The following NF1 variants were observed in gnomAD, a reference collection of about 807,000 sequenced individuals.
The protein encoded by NF1 is neurofibromin.
A neutral mutation model predicts 325.7 loss-of-function variants in NF1; 122 were observed. The ratio of observed to expected loss-of-function variants is 0.37; its 90% CI spans 0.32 to 0.44. The LOEUF is 0.44. Ranked by LOEUF, NF1 falls within the 20% of genes least tolerant of loss-of-function variation. NF1 has a pLI of 1.00. For synonymous variants in NF1, 1,091 were observed against 1,186.0 expected (o/e 0.92, Z 1.65); for missense variants, 2,140 against 3,415.4 (o/e 0.63, Z 9.31).
chr17:31,340,174 T>G, intron 46 of NF1: 2 of 315,792 alleles, frequency 6.3e-6, no homozygotes, highest in South Asian at 3.3e-5. Context: ...AAGGTTGGCA[T>G]GTGGTAATGT....
chr17:31,305,201 G>A (rs189487006), intron 36 of NF1: 1 of 1,614,202 alleles, frequency 6.2e-7, no homozygotes, highest in African/African-American at 1.3e-5. Flanking sequence ...TTTGGTGGTT[G>A]TGTGGTAGAA....
chr17:31,146,042 C>T (rs1407030974), intron 1 of NF1, among the ~76,000 whole-genome samples: 2 of 152,180 alleles, frequency 1.3e-5, no homozygotes, highest in African/African-American at 2.4e-5. Context: ...GTGTAACAAA[C>T]TACCACAAAC....
chr17:31,234,592 T>G lies in NF1; in HGVS notation c.3709-1019T>G, dbSNP rs9905132. Among the ~76,000 whole-genome samples, 271 of 146,640 alleles carry G rather than the reference T, an allele frequency of 1.8e-3. 2 individuals carry two copies. Among genetic ancestry groups the G allele is most frequent in the African/African-American group, 6.3e-3 (255 of 40,264 alleles). Reference sequence around the variant, plus strand: ...TTGGGAGGCTGAGGCAGGAGAATGGTGTGAACCCAGGAGGGTTGCAGTGAG... The same window carrying G: ...TTGGGAGGCTGAGGCAGGAGAATGGGGTGAACCCAGGAGGGTTGCAGTGAG... On this transcript the variant is annotated intron_variant, in intron 27 of 57. Transcript: ENST00000358273.
At chr17:31,268,549 C>T (rs1363235710) in intron 36 of NF1, among the ~76,000 whole-genome samples, 1 of 150,864 alleles carries the variant, frequency 6.6e-6, no homozygotes. Flanking sequence ...ATTGCTTGAA[C>T]CCGGGAGGTG....
At chr17:31,148,986 A>G (rs971613476) in intron 1 of NF1, among the ~76,000 whole-genome samples, 2 of 151,758 alleles carry the variant, frequency 1.3e-5, no homozygotes, top group African/African-American at 2.4e-5. Flanking sequence ...GCAACCACTA[A>G]TTTTTTTGAG....
At chr17:31,117,879 T>G (rs1181648965) in intron 1 of NF1, among the ~76,000 whole-genome samples, 1 of 152,124 alleles carries the variant, frequency 6.6e-6, no homozygotes, top group East Asian at 1.9e-4. Context: ...ATGATATGTA[T>G]TTTTAGGTAT....
chr17:31,237,006 T>C lies in NF1; in HGVS notation c.3974+985T>C, dbSNP rs377623746. ...AAATATTTGTTAAGTGAATGAATTT[T>C]AACGGAATATCTTATGCTTGCTTTT... On this transcript the variant is annotated intron_variant, in intron 29 of 57. Coordinates refer to ENST00000358273, the MANE Select transcript of NF1 (RefSeq NM_001042492.3). Among the ~76,000 whole-genome samples, 153 of 152,366 alleles carry C rather than the reference T, an allele frequency of 1.0e-3. 1 individual carries two copies. Among genetic ancestry groups the C allele is most frequent in the Middle Eastern group, 6.8e-3 (2 of 294 alleles).
intron 8 of NF1, among the ~76,000 whole-genome samples, chr17:31,189,503 A>C (rs748465621): frequency 5.3e-5 from 8 of 152,152 alleles, no homozygotes; most frequent in South Asian, 4.1e-4. Context: ...CATCTTCCCA[A>C]AAAGAAACCC....
chr17:31,265,179 C>T (rs773619050), intron 35 of NF1, 50 bp from the exon 36 acceptor site: 5 of 1,235,304 alleles, frequency 4.0e-6, no homozygotes, highest in Non-Finnish European at 5.9e-6. Flanking sequence ...TTTTTACATA[C>T]TCAGTAGACA....
chr17:31,276,274 T>C (rs905830700), intron 36 of NF1, among the ~76,000 whole-genome samples: 1 of 151,894 alleles, frequency 6.6e-6, no homozygotes, highest in African/African-American at 2.4e-5. Context: ...TACCTCCTGT[T>C]TCTCCATGTC....
chr17:31,363,749 T>TC (rs1157081934), intron 57 of NF1, among the ~76,000 whole-genome samples: 4 of 140,692 alleles, frequency 2.8e-5, no homozygotes, highest in South Asian at 2.3e-4. Context: ...TTTTTTTTTT[T>TC]CCCCCTTTGG....
chr17:31,228,778 A>G (rs1187116706), intron 20 of NF1, among the ~76,000 whole-genome samples: 3 of 152,186 alleles, frequency 2.0e-5, no homozygotes, highest in African/African-American at 7.2e-5. Flanking sequence ...GATGTTTCCA[A>G]GGTTCATCCA....
At chr17:31,250,207 G>A in intron 30 of NF1, 1 of 318,930 alleles carries the variant, frequency 3.1e-6, no homozygotes, top group Non-Finnish European at 6.1e-6. Flanking sequence ...AAGGCTCAAG[G>A]AAACTTAGGA....
At chr17:31,230,042 C>G (rs1349330190) in intron 22 of NF1, 68 bp downstream of exon 22, 2 of 1,574,196 alleles carry the variant, frequency 1.3e-6, no homozygotes, top group Admixed American at 3.3e-5. Context: ...CACACTGATA[C>G]TGGTAGTAAT....
intron 11 of NF1, among the ~76,000 whole-genome samples, chr17:31,205,437 T>A (rs1212564541): frequency 6.6e-6 from 1 of 152,156 alleles, no homozygotes; most frequent in Non-Finnish European, 1.5e-5. Context: ...TTTTATTAAA[T>A]GATAGACTTT....
intron 36 of NF1, among the ~76,000 whole-genome samples, chr17:31,282,684 C>G (rs139805193): frequency 6.6e-6 from 1 of 152,118 alleles, no homozygotes; most frequent in African/African-American, 2.4e-5. Context: ...TGTATCAGAA[C>G]TTTATCCCTT....
At chr17:31,351,080 A>G (rs530647163) in intron 50 of NF1, among the ~76,000 whole-genome samples, 2 of 152,258 alleles carry the variant, frequency 1.3e-5, no homozygotes, top group Admixed American at 6.5e-5. Context: ...CGTCAGTCCC[A>G]TTATTATATT....
chr17:31,108,260 GAGTTTTTTTT>G, intron 1 of NF1, among the ~76,000 whole-genome samples: 1 of 128,034 alleles, frequency 7.8e-6, no homozygotes, highest in East Asian at 2.3e-4. Flanking sequence ...TAAAAGTAGA[GAGTTTTTTTT>G]TTTTTTTTTT....
chr17:31,107,230 G>T (rs1197799256), intron 1 of NF1, among the ~76,000 whole-genome samples: 4 of 151,774 alleles, frequency 2.6e-5, no homozygotes, highest in Non-Finnish European at 4.4e-5. Flanking sequence ...TAATGAGTGC[G>T]GAGGGAAAAA....
Sources: allele counts gnomAD v4.1 joint callset (sites outside exome capture counted in the v4.1 genomes callset), GRCh38; gene constraint gnomAD v4.1.1; transcripts MANE v1.5; gene names NCBI Gene and HGNC (gene_info 2026-07-23, HGNC 2026-07-21).